Variants in LRBA observed in about 807,000 individuals in gnomAD.
LRBA encodes lipopolysaccharide-responsive and beige-like anchor protein.
In LRBA, 176 loss-of-function variants were observed where a neutral mutation model predicts 330.0. That is an observed-to-expected ratio of 0.53 (90% confidence interval 0.47 to 0.60). The LOEUF is 0.60. Among genes scored for constraint, LRBA ranks in the 20% least tolerant of loss-of-function variants. The pLI, the probability that LRBA is intolerant of heterozygous loss-of-function variation, is 0.00. For missense variants in LRBA, 3,259 were observed against 3,444.8 expected (o/e 0.95, Z 1.35); for synonymous variants, 1,230 against 1,193.0 (o/e 1.03, Z -0.64).
chr4:150,850,876 C>T lies in LRBA; in HGVS notation c.3852G>A (p.Gly1284=). ...TAACTGCATCTGGTGCTATTCCTTG[C>T]CCTGGCTGCTCATGTTGCCTTGATA... is the stretch of plus-strand genomic sequence containing the variant. The part of the protein sequence containing the change: ...LEISRQHEQP[G]QGIAPDAVNG... Residue 1284 remains glycine (G), a synonymous_variant, in exon 24 of 57, where the codon GGG becomes GGA. Transcript: ENST00000651943. 6.2e-7 allele frequency: 1 copy of T among 1,611,058 alleles called. No individual in the cohort carries two copies. The highest frequency in any genetic ancestry group is 1.1e-5 in the South Asian group (1 of 90,166).
intron 9 of LRBA, 73 bp downstream of exon 9, chr4:150,914,122 C>T (rs1038144560): frequency 8.6e-7 from 1 of 1,159,860 alleles, no homozygotes. Context: ...ATTAACCAAA[C>T]TCTCCATGTA....
At chr4:150,617,875 G>A (rs1446543968) in intron 37 of LRBA, among the ~76,000 whole-genome samples, 1 of 152,120 alleles carries the variant, frequency 6.6e-6, no homozygotes, top group Non-Finnish European at 1.5e-5. Flanking sequence ...GGAGGCCAAG[G>A]TGGGCCAGAC....
intron 2 of LRBA, among the ~76,000 whole-genome samples, chr4:150,932,289 T>C (rs1734594579): frequency 6.6e-6 from 1 of 150,750 alleles, no homozygotes; most frequent in African/African-American, 2.4e-5. Context: ...ACCCATATCA[T>C]TACATAAGCA....
chr4:150,813,250 T>C lies in LRBA; in HGVS notation c.5305+3874A>G, dbSNP rs79925194. Among the ~76,000 whole-genome samples, 397 of 152,060 alleles carry C rather than the reference T, an allele frequency of 2.6e-3. 10 individuals carry two copies. The East Asian group carries it at 0.072, about 27-fold the overall frequency. ...GTAATCAGATCTTTGCTGATGACTA[T>C]AAAATTTCTAGATTTTGATATATTT... On this transcript the variant is annotated intron_variant, in intron 31 of 56. Coordinates refer to ENST00000651943, the MANE Select transcript of LRBA (RefSeq NM_001364905.1).
chr4:150,982,656 G>C (rs1005760073), intron 2 of LRBA, among the ~76,000 whole-genome samples: 3 of 150,088 alleles, frequency 2.0e-5, no homozygotes, highest in African/African-American at 7.3e-5. Flanking sequence ...CTTGTAATTT[G>C]CATTTTTTAC....
At chr4:150,569,363 T>C (rs1411278540) in intron 40 of LRBA, among the ~76,000 whole-genome samples, 1 of 152,150 alleles carries the variant, frequency 6.6e-6, no homozygotes, top group Non-Finnish European at 1.5e-5. Context: ...GAAAATTATA[T>C]TCTAGATTTT....
intron 28 of LRBA, among the ~76,000 whole-genome samples, chr4:150,835,807 G>C (rs190509473): frequency 6.6e-6 from 1 of 151,896 alleles, no homozygotes; most frequent in African/African-American, 2.4e-5. Context: ...TTCTCCTGAC[G>C]GATTGCCCTG....
At chr4:150,509,928 G>A (rs1479233066) in intron 40 of LRBA, among the ~76,000 whole-genome samples, 1 of 152,168 alleles carries the variant, frequency 6.6e-6, no homozygotes, top group African/African-American at 2.4e-5. Context: ...CTTGAAGTCT[G>A]GAGTTCGAGA....
chr4:150,772,512 C>G (rs913703668), intron 34 of LRBA, among the ~76,000 whole-genome samples: 3 of 152,150 alleles, frequency 2.0e-5, no homozygotes, highest in African/African-American at 7.2e-5. Flanking sequence ...CTTAGTAGGA[C>G]AGATAACATT....
intron 48 of LRBA, among the ~76,000 whole-genome samples, chr4:150,327,215 G>C (rs1430364501): frequency 6.6e-6 from 1 of 152,148 alleles, no homozygotes; most frequent in African/African-American, 2.4e-5. Context: ...CTTGAGGCCA[G>C]GAGTTCAAGA....
At chr4:150,364,970 A>AAC (rs1337379744) in intron 47 of LRBA, among the ~76,000 whole-genome samples, 3 of 151,858 alleles carry the variant, frequency 2.0e-5, no homozygotes, top group Non-Finnish European at 4.4e-5. Context: ...TATATATCAT[A>AAC]ATATATATAC....
intron 37 of LRBA, among the ~76,000 whole-genome samples, chr4:150,653,881 T>C (rs116221922): frequency 1.3e-3 from 194 of 152,296 alleles, no homozygotes; most frequent in African/African-American, 4.4e-3. Flanking sequence ...CATAAATACA[T>C]TGAAAGACTG....
intron 46 of LRBA, among the ~76,000 whole-genome samples, chr4:150,415,939 A>AT (rs1191042312): frequency 6.6e-6 from 1 of 152,186 alleles, no homozygotes; most frequent in Non-Finnish European, 1.5e-5. Context: ...ACCTAACTAG[A>AT]TTTTTTATGA....
intron 54 of LRBA, among the ~76,000 whole-genome samples, chr4:150,282,995 C>T (rs1258195520): frequency 2.6e-5 from 4 of 152,170 alleles, no homozygotes; most frequent in Non-Finnish European, 5.9e-5. Context: ...TTCAAGGAGG[C>T]TGGGATGCAA....
intron 37 of LRBA, among the ~76,000 whole-genome samples, chr4:150,660,486 G>T (rs924885723): frequency 2.0e-5 from 3 of 151,526 alleles, no homozygotes; most frequent in Non-Finnish European, 4.4e-5. Context: ...GGTGGGGGGG[G>T]TCAGCCCCCC....
At chr4:150,879,471 T>C (rs1476471211) in intron 17 of LRBA, among the ~76,000 whole-genome samples, 1 of 152,056 alleles carries the variant, frequency 6.6e-6, no homozygotes, top group East Asian at 1.9e-4. Context: ...AAAGGGTGCC[T>C]ACTCTTACCA....
intron 41 of LRBA, among the ~76,000 whole-genome samples, chr4:150,488,413 C>T (rs1758149679): frequency 1.3e-5 from 2 of 151,538 alleles, no homozygotes; most frequent in Non-Finnish European, 3.0e-5. Flanking sequence ...TAATCCAAAA[C>T]AATGTGTGAT....
intron 35 of LRBA, among the ~76,000 whole-genome samples, chr4:150,744,081 A>G (rs893686456): frequency 1.3e-5 from 2 of 152,092 alleles, no homozygotes; most frequent in Non-Finnish European, 2.9e-5. Flanking sequence ...TTCAAATGCT[A>G]TTAAACAGTA....
intron 40 of LRBA, among the ~76,000 whole-genome samples, chr4:150,506,668 A>T (rs1430883286): frequency 1.3e-5 from 2 of 152,248 alleles, no homozygotes; most frequent in Admixed American, 6.5e-5. Context: ...AAACTGGCAC[A>T]AGACAGGGAT....
Sources: gnomAD v4.1 joint callset for allele counts (sites outside exome capture counted in the v4.1 genomes callset) on GRCh38, gnomAD v4.1.1 for gene constraint, MANE v1.5 for transcripts, NCBI Gene and HGNC (gene_info 2026-07-23, HGNC 2026-07-21) for gene names.